The following CFAP221 variants were observed in gnomAD, a reference collection of about 807,000 sequenced individuals.
The protein encoded by CFAP221 is cilia- and flagella-associated protein 221.
In CFAP221, 97 loss-of-function variants were observed where a neutral mutation model predicts 113.1. That is an observed-to-expected ratio of 0.86 (90% confidence interval 0.73 to 1.02). The LOEUF is 1.02. Among genes scored for constraint, CFAP221 ranks in the 50% least tolerant of loss-of-function variants. The pLI, the probability that CFAP221 is intolerant of heterozygous loss-of-function variation, is 0.00. For missense variants in CFAP221, 1,025 were observed against 1,013.4 expected, an observed-to-expected ratio of 1.01 and a Z score of -0.16; for synonymous variants, 331 against 354.4, an observed-to-expected ratio of 0.93 and a Z score of 0.74.
intron 20 of CFAP221, among the ~76,000 whole-genome samples, chr2:119,638,951 C>G (rs1024617828): frequency 3.9e-5 from 6 of 152,150 alleles, no homozygotes; most frequent in African/African-American, 1.4e-4. Flanking sequence ...CTTCTACCAG[C>G]CACACCCTCA....
At chr2:119,555,047 C>T (rs75859298) in intron 3 of CFAP221, among the ~76,000 whole-genome samples, 3 of 152,150 alleles carry the variant, frequency 2.0e-5, no homozygotes, top group Non-Finnish European at 4.4e-5. Flanking sequence ...AGAAGGGAGC[C>T]TGAAGCAGCA....
Position 119,548,436 on chromosome 2 carries a change from C to T in CFAP221, c.140-649C>T, listed in dbSNP as rs919160493. ...ACTTACATAGAGTGGGTTCTCAGCA[C>T]CTTCTCCAAACATCTGCTCCTGCCT... On this transcript the variant is annotated intron_variant, in intron 2 of 23. Transcript: ENST00000413369. Among the ~76,000 whole-genome samples, 7 of 152,164 alleles carry T rather than the reference C, an allele frequency of 4.6e-5. No individual in the cohort carries two copies. The South Asian group carries it at 8.3e-4, about 18-fold the overall frequency.
At chr2:119,594,544 A>G (rs1034551212) in intron 7 of CFAP221, among the ~76,000 whole-genome samples, 7 of 152,136 alleles carry the variant, frequency 4.6e-5, no homozygotes, top group African/African-American at 1.7e-4. Context: ...GCACCCAGTC[A>G]TCATGTGTAT....
rs781679462 is a variant in CFAP221 at position 119,625,653 on chromosome 2, G to A, written c.1481G>A (p.Arg494Lys). 1 of 1,613,622 alleles carries A rather than the reference G, an allele frequency of 6.2e-7. No homozygotes were observed. Among genetic ancestry groups the A allele is most frequent in the Non-Finnish European group, 8.5e-7 (1 of 1,179,540 alleles). ...VREMDKESILRKIGQAKQSIA... is the reference protein window; with the variant it reads ...VREMDKESILKKIGQAKQSIA... ...GAAATGGACAAAGAGAGTATACTGA[G>A]AAAGATTGGCCAAGCAAAACAATCG... The change falls in exon 15 of 24, where the codon AGA becomes AAA. Residue 494 changes from arginine (R) to lysine (K), a missense_variant. Physicochemically the swap from Arg to Lys is conservative, Grantham distance 26. Coordinates refer to ENST00000413369, the MANE Select transcript of CFAP221 (RefSeq NM_001271049.2).
At chr2:119,643,116 TG>T (rs1687595828) in intron 21 of CFAP221, among the ~76,000 whole-genome samples, 1 of 152,188 alleles carries the variant, frequency 6.6e-6, no homozygotes, top group Non-Finnish European at 1.5e-5. Flanking sequence ...AACGTGAATT[TG>T]GGGAGAACAC....
At chr2:119,611,609 G>A (rs777405269) in intron 12 of CFAP221, 44 bp from the exon 13 acceptor site, 41 of 1,511,516 alleles carry the variant, frequency 2.7e-5, no homozygotes, top group Middle Eastern at 1.7e-4. Flanking sequence ...ATTGTTTTAC[G>A]CATTTATATT....
intron 2 of CFAP221, among the ~76,000 whole-genome samples, chr2:119,547,038 A>G (rs1009082057): frequency 2.0e-5 from 3 of 152,184 alleles, no homozygotes; most frequent in Admixed American, 6.5e-5. Context: ...GTGTTCAGCC[A>G]CCAGAGCCCT....
At chr2:119,618,519 T>C (rs1476714369) in intron 14 of CFAP221, among the ~76,000 whole-genome samples, 1 of 152,140 alleles carries the variant, frequency 6.6e-6, no homozygotes, top group Non-Finnish European at 1.5e-5. Context: ...AGGGAAGCCA[T>C]GAGGGACTGT....
At chr2:119,559,052 T>C (rs1681030339) in intron 3 of CFAP221, among the ~76,000 whole-genome samples, 1 of 152,146 alleles carries the variant, frequency 6.6e-6, no homozygotes, top group South Asian at 2.1e-4. Flanking sequence ...TCCCCAGAAT[T>C]CAAAATTCTT....
intron 6 of CFAP221, among the ~76,000 whole-genome samples, chr2:119,585,085 CAG>C (rs1182944326): frequency 6.6e-6 from 1 of 152,108 alleles, no homozygotes; most frequent in African/African-American, 2.4e-5. Flanking sequence ...AATTATATAA[CAG>C]AATACTCTTC....
At chr2:119,584,258 T>A (rs1683045151) in intron 6 of CFAP221, among the ~76,000 whole-genome samples, 4 of 152,276 alleles carry the variant, frequency 2.6e-5, no homozygotes, top group Admixed American at 2.6e-4. Flanking sequence ...GAAAAGATAC[T>A]TGCAATGCAT....
intron 3 of CFAP221, among the ~76,000 whole-genome samples, chr2:119,553,806 C>T (rs1245756515): frequency 1.3e-5 from 2 of 152,188 alleles, no homozygotes; most frequent in African/African-American, 2.4e-5. Flanking sequence ...CCATGTCTGT[C>T]TTTCATATTG....
In CFAP221 at chr2:119,648,064, A is replaced by G. The variant is rs557215170; in HGVS notation, c.2318+1014A>G. ...TTCAAATGGAATGATCCCAGGACCC[A>G]TCTCATGGGTGGCTATGAAAAGCAA... On this transcript the variant is annotated intron_variant, in intron 22 of 23. Coordinates refer to ENST00000413369, the MANE Select transcript of CFAP221 (RefSeq NM_001271049.2). Among the ~76,000 whole-genome samples the G allele has an allele frequency of 2.6e-4, 39 of 152,296 alleles. No homozygotes were observed. The South Asian group carries it at 3.5e-3, about 14-fold the overall frequency.
chr2:119,571,289 G>A (rs571860844), intron 6 of CFAP221, among the ~76,000 whole-genome samples: 25 of 151,350 alleles, frequency 1.7e-4, no homozygotes, highest in South Asian at 4.2e-4. Flanking sequence ...ACAGGTGTGC[G>A]ACACCACACT....
intron 2 of CFAP221, 142 bp downstream of exon 2, chr2:119,546,412 T>A: frequency 1.0e-6 from 1 of 976,824 alleles, no homozygotes; most frequent in Non-Finnish European, 1.4e-6. Context: ...CTAAGAACAG[T>A]AGTTCTATTT....
At chr2:119,630,360 CAT>C (rs947767365) in intron 17 of CFAP221, among the ~76,000 whole-genome samples, 5 of 152,186 alleles carry the variant, frequency 3.3e-5, no homozygotes, top group Admixed American at 1.3e-4. Flanking sequence ...CATGAACACT[CAT>C]GTGTGCTGAA....
chr2:119,610,790 A>C (rs1685095201), intron 12 of CFAP221, among the ~76,000 whole-genome samples: 1 of 152,218 alleles, frequency 6.6e-6, no homozygotes, highest in South Asian at 2.1e-4. Flanking sequence ...AGTATACTTA[A>C]GAGCCAAGCT....
At chr2:119,600,104 A>C (rs759956998) in intron 7 of CFAP221, among the ~76,000 whole-genome samples, 20 of 152,216 alleles carry the variant, frequency 1.3e-4, no homozygotes, top group Non-Finnish European at 2.4e-4. Context: ...AAGAGCCTTC[A>C]GTGGAAGTCA....
chr2:119,650,802 T>C (rs1454706520), intron 22 of CFAP221, among the ~76,000 whole-genome samples: 1 of 152,242 alleles, frequency 6.6e-6, no homozygotes, highest in Non-Finnish European at 1.5e-5. Flanking sequence ...TAGCTTTCAA[T>C]CTAATGAGGC....
Sources: allele counts gnomAD v4.1 joint callset (sites outside exome capture counted in the v4.1 genomes callset), GRCh38; gene constraint gnomAD v4.1.1; transcripts MANE v1.5; gene names NCBI Gene and HGNC (gene_info 2026-07-23, HGNC 2026-07-21).